The following RBM34 variants were observed in gnomAD, a reference collection of about 807,000 sequenced individuals.
The protein encoded by RBM34 is RNA binding motif protein 34.
RBM34 carries 39 observed loss-of-function variants against 44.6 expected under a neutral mutation model. That is an observed-to-expected ratio of 0.87 (90% CI 0.68 to 1.14). RBM34 has a LOEUF of 1.14. Ranked by LOEUF, RBM34 falls within the 50% of genes most tolerant of loss-of-function variation. The pLI, the probability that RBM34 is intolerant of heterozygous loss-of-function variation, is 0.00. For missense variants in RBM34, 572 were observed against 517.9 expected (o/e 1.10, Z -1.01); for synonymous variants, 194 against 184.0 (o/e 1.05, Z -0.44).
intron 6 of RBM34, among the ~76,000 whole-genome samples, chr1:235,143,586 A>C (rs1661777108): frequency 6.6e-6 from 1 of 152,126 alleles, no homozygotes; most frequent in African/African-American, 2.4e-5. Flanking sequence ...AAGTATGAAA[A>C]AATTAGCTGG....
chr1:235,155,118 T>C lies in RBM34; in HGVS notation c.366-6A>G. ...CACTCGCTAGAGCGCTTTCCCTTTT[T>C]AAGGCAAAAAATAAAATAAGCAGTA... On this transcript the variant is annotated splice_polypyrimidine_tract_variant and splice_region_variant and intron_variant, in intron 3 of 10. Coordinates refer to ENST00000408888, the MANE Select transcript of RBM34 (RefSeq NM_015014.4). 1.2e-6 allele frequency: 2 copies of C among 1,608,380 alleles called. No homozygotes were observed. The highest frequency in any genetic ancestry group is 2.2e-5 in the East Asian group (1 of 44,836).
rs1001333423 is a variant in RBM34 at position 235,140,216 on chromosome 1, G to A, written c.702-2042C>T. Among the ~76,000 whole-genome samples, 6 of 152,354 alleles carry A rather than the reference G, an allele frequency of 3.9e-5. No homozygotes were observed. The Middle Eastern group carries it at 0.01, about 259-fold the overall frequency. On this transcript the variant is annotated intron_variant, in intron 6 of 10. Transcript: ENST00000408888. ...GAGGAGCCCTTCAGCCCACCGCTGC[G>A]CTGTGGGAGCCCGTTTCTGGGCTGG...
chr1:235,143,318 C>CA (rs1228593181), intron 6 of RBM34, among the ~76,000 whole-genome samples: 2 of 152,318 alleles, frequency 1.3e-5, no homozygotes, highest in African/African-American at 4.8e-5. Context: ...TAGAAAGTTA[C>CA]AATATACCGT....
intron 6 of RBM34, among the ~76,000 whole-genome samples, chr1:235,141,492 C>T (rs542053882): frequency 6.3e-4 from 96 of 152,276 alleles, no homozygotes; most frequent in African/African-American, 1.6e-3. Context: ...ACAGACCACT[C>T]GGCTCTACCA....
chr1:235,159,865 G>A (rs1365637777), intron 3 of RBM34, among the ~76,000 whole-genome samples: 2 of 82,344 alleles, frequency 2.4e-5, no homozygotes, highest in East Asian at 2.3e-4. Context: ...GCAAAACTCC[G>A]TCTCAAAAAA....
At position 235,139,959 on chromosome 1, in the gene RBM34, C is replaced by G. The variant is rs571235240; in HGVS notation, c.702-1785G>C. ...ACAGAAGTCCTGGAAGCTGCCGAGG[C>G]AGGAGTGTGCGCCCATCCTCAGGAT... On this transcript the variant is annotated intron_variant, in intron 6 of 10. Coordinates refer to ENST00000408888, the MANE Select transcript of RBM34 (RefSeq NM_015014.4). 2.7e-4 allele frequency among the ~76,000 whole-genome samples: 41 copies of G among 152,378 alleles called. 1 individual carries two copies. Among genetic ancestry groups the G allele is most frequent in the South Asian group, 1.4e-3 (7 of 4,834 alleles).
chr1:235,154,960 T>C lies in RBM34; in HGVS notation c.518A>G (p.Gln173Arg), dbSNP rs1397196263. The C allele has an allele frequency of 4.3e-6, 7 of 1,614,010 alleles. No homozygotes were observed. The highest frequency in any genetic ancestry group is 5.1e-6 in the Non-Finnish European group (6 of 1,180,018). The change falls in exon 4 of 11, where the codon CAA (glutamine) becomes CGA (arginine). Residue 173 changes from glutamine (Q) to arginine (R), a missense_variant. Physicochemically the swap from Gln to Arg is conservative, Grantham distance 43 (BLOSUM62 1). Transcript: ENST00000408888. ...DTVVSQRKKI[Q>R]INQEEERLKN... Reference sequence around the variant, plus strand: ...TAATCTCTCTTCTTCTTGGTTGATTTGAATTTTCTTTCTTTGACTGACAAC... The same window carrying C: ...TAATCTCTCTTCTTCTTGGTTGATTCGAATTTTCTTTCTTTGACTGACAAC...
At chr1:235,142,951 A>C (rs1449844223) in intron 6 of RBM34, among the ~76,000 whole-genome samples, 1 of 146,026 alleles carries the variant, frequency 6.8e-6, no homozygotes, top group Admixed American at 6.9e-5. Context: ...AAAAAAAGAC[A>C]CCTCTAAAAA....
chr1:235,160,424 T>C, intron 3 of RBM34, 87 bp downstream of exon 3: 1 of 1,480,612 alleles, frequency 6.8e-7, no homozygotes. Flanking sequence ...AGTAGAAATA[T>C]GAAATAAAAC....
intron 10 of RBM34, among the ~76,000 whole-genome samples, 171 bp downstream of exon 10, chr1:235,135,481 G>A (rs995756072): frequency 3.9e-5 from 6 of 151,934 alleles, no homozygotes; most frequent in South Asian, 2.1e-4. Flanking sequence ...CACCCGTCTC[G>A]GCCTCCCAAA....
intron 5 of RBM34, among the ~76,000 whole-genome samples, chr1:235,148,833 C>T (rs1476750160): frequency 4.6e-5 from 7 of 151,946 alleles, no homozygotes; most frequent in Admixed American, 1.3e-4. Flanking sequence ...CTCCTGACCT[C>T]GTGATCCGCC....
At chr1:235,150,934 C>T (rs1662133015) in intron 5 of RBM34, among the ~76,000 whole-genome samples, 1 of 151,374 alleles carries the variant, frequency 6.6e-6, no homozygotes, top group East Asian at 1.9e-4. Context: ...GTGTGTGTGG[C>T]GGCTGGGGGG....
At chr1:235,157,193 T>C (rs576256758) in intron 3 of RBM34, among the ~76,000 whole-genome samples, 1 of 152,198 alleles carries the variant, frequency 6.6e-6, no homozygotes, top group East Asian at 1.9e-4. Flanking sequence ...GAGTGGAAGA[T>C]AATTAGAAAG....
chr1:235,149,059 C>T (rs993352204), intron 5 of RBM34, among the ~76,000 whole-genome samples: 1 of 151,740 alleles, frequency 6.6e-6, no homozygotes, highest in African/African-American at 2.4e-5. Context: ...GGGAGGACTC[C>T]AGGAAGAGAC....
At position 235,156,333 on chromosome 1, in the gene RBM34, G is replaced by A. The variant is rs953628199; in HGVS notation, c.366-1221C>T. 8.5e-5 allele frequency among the ~76,000 whole-genome samples: 13 copies of A among 152,062 alleles called. 1 individual carries two copies. The highest frequency in any genetic ancestry group is 8.3e-4 in the South Asian group (4 of 4,832). On this transcript the variant is annotated intron_variant, in intron 3 of 10. Coordinates refer to ENST00000408888, the MANE Select transcript of RBM34 (RefSeq NM_015014.4). ...TAAGTGAAGCTCAATTTTTGAACAC[G>A]TTAAATCTGCCATGCAACAGCAGCA... is the stretch of plus-strand genomic sequence containing the variant.
chr1:235,147,266 CAAT>C (rs1157898459), intron 6 of RBM34, among the ~76,000 whole-genome samples: 2 of 152,118 alleles, frequency 1.3e-5, no homozygotes, highest in African/African-American at 4.8e-5. Context: ...AACAAAAAAA[CAAT>C]GAGATGGGGC....
At chr1:235,144,086 A>C (rs1345026248) in intron 6 of RBM34, among the ~76,000 whole-genome samples, 3 of 152,084 alleles carry the variant, frequency 2.0e-5, no homozygotes, top group African/African-American at 7.2e-5. Context: ...CTGAGGCAGA[A>C]GGACTGCTTG....
chr1:235,136,135 A>T (rs1193187434), intron 8 of RBM34, 62 bp from the exon 9 acceptor site: 4 of 1,395,518 alleles, frequency 2.9e-6, no homozygotes, highest in Non-Finnish European at 4.0e-6. Flanking sequence ...AGTCATCGAA[A>T]ATCCTCCCTA....
intron 6 of RBM34, among the ~76,000 whole-genome samples, chr1:235,141,303 C>T (rs906880983): frequency 6.6e-6 from 1 of 152,034 alleles, no homozygotes; most frequent in African/African-American, 2.4e-5. Flanking sequence ...CCAATCAGCA[C>T]CCTGTGTTTA....
Sources: gnomAD v4.1 joint callset for allele counts (sites outside exome capture counted in the v4.1 genomes callset) on GRCh38, gnomAD v4.1.1 for gene constraint, MANE v1.5 for transcripts, NCBI Gene and HGNC (gene_info 2026-07-23, HGNC 2026-07-21) for gene names.